The following SGIP1 variants were observed in gnomAD, a reference collection of about 807,000 sequenced individuals.
SGIP1 encodes SH3-containing GRB2-like protein 3-interacting protein 1.
SGIP1 carries 38 observed loss-of-function variants against 107.5 expected under a neutral mutation model. The observed-to-expected ratio is 0.35, with a 90% CI of 0.27 to 0.46. The LOEUF (loss-of-function observed/expected upper bound fraction) is 0.46. Among genes scored for constraint, SGIP1 ranks in the 20% least tolerant of loss-of-function variants. The pLI, the probability that SGIP1 is intolerant of heterozygous loss-of-function variation, is 1.00. For synonymous variants in SGIP1, 365 were observed against 366.1 expected (o/e 1.00, Z 0.03); for missense variants, 929 against 1,019.5 (o/e 0.91, Z 1.21).
chr1:66,664,582 C>G (rs1044690323), intron 8 of SGIP1, among the ~76,000 whole-genome samples: 2 of 152,150 alleles, frequency 1.3e-5, no homozygotes, highest in Non-Finnish European at 2.9e-5. Flanking sequence ...GCCTCACCTT[C>G]CTCTCTATAG....
intron 4 of SGIP1, among the ~76,000 whole-genome samples, chr1:66,637,195 C>T (rs572356588): frequency 2.0e-5 from 3 of 152,194 alleles, no homozygotes; most frequent in South Asian, 4.2e-4. Flanking sequence ...TTCTTCCTTG[C>T]TTCTTCTTCT....
chr1:66,709,595 A>G (rs1472003419), intron 18 of SGIP1, among the ~76,000 whole-genome samples: 1 of 152,166 alleles, frequency 6.6e-6, no homozygotes, highest in African/African-American at 2.4e-5. Flanking sequence ...CAAGTACTCA[A>G]TAATATTGTT....
chr1:66,588,213 C>CT (rs2062947486), intron 1 of SGIP1, among the ~76,000 whole-genome samples: 2 of 152,096 alleles, frequency 1.3e-5, no homozygotes, highest in Admixed American at 1.3e-4. Flanking sequence ...TTTAGGATCA[C>CT]TAACTAAAGA....
intron 9 of SGIP1, among the ~76,000 whole-genome samples, chr1:66,667,857 C>T (rs946773557): frequency 6.6e-6 from 1 of 151,974 alleles, no homozygotes; most frequent in Non-Finnish European, 1.5e-5. Flanking sequence ...CCTAGAGATT[C>T]ACCAGAAAGT....
At chr1:66,646,336 G>A (rs1025523522) in intron 7 of SGIP1, among the ~76,000 whole-genome samples, 1 of 152,084 alleles carries the variant, frequency 6.6e-6, no homozygotes, top group Non-Finnish European at 1.5e-5. Flanking sequence ...GTCTACACAA[G>A]TTAATGATAT....
At chr1:66,574,161 TCA>T (rs2060746776) in intron 1 of SGIP1, among the ~76,000 whole-genome samples, 1 of 152,136 alleles carries the variant, frequency 6.6e-6, no homozygotes, top group African/African-American at 2.4e-5. Flanking sequence ...CTCTAAGATC[TCA>T]GAGTCCTCTG....
At chr1:66,675,882 G>A (rs988457223) in intron 12 of SGIP1, among the ~76,000 whole-genome samples, 1 of 152,004 alleles carries the variant, frequency 6.6e-6, no homozygotes, top group African/African-American at 2.4e-5. Context: ...GAAAAAATAT[G>A]TATTTTAGAG....
In SGIP1 at chr1:66,748,787, T is replaced by C. The variant is rs1361174460; in HGVS notation, c.*5692T>C. 6.6e-6 allele frequency among the ~76,000 whole-genome samples: 1 copy of C among 152,036 alleles called. No individual in the cohort carries two copies. Among genetic ancestry groups the C allele is most frequent in the African/African-American group, 2.4e-5 (1 of 41,450 alleles). Reference sequence around the variant, plus strand: ...CAAATTGTGTTCTGGAAGATGTTCATTGTGGTCTGAGAACAAATGGTCCTA... The same window carrying C: ...CAAATTGTGTTCTGGAAGATGTTCACTGTGGTCTGAGAACAAATGGTCCTA... On this transcript the variant is annotated 3_prime_UTR_variant, in exon 25 of 25. Transcript: ENST00000371037.
rs377722823 is a variant in SGIP1 at position 66,690,262 on chromosome 1, A to T, written c.1516A>T (p.Thr506Ser). ...PIAPLARAES[T>S]SSISSTNSLS... ...AGCACCCTTAGCGCGGGCTGAAAGC[A>T]CTTCTTCAATATCGTCAACCAATTC... Residue 506 changes from threonine (T) to serine (S), a missense_variant, in exon 17 of 25, where the codon ACT becomes TCT. Physicochemically the swap from Thr to Ser is moderately conservative, Grantham distance 58 (BLOSUM62 1). Around this residue, in one of 2 missense-constraint regions of SGIP1, gnomAD observed 341 missense variants for 430.9 expected, o/e 0.79. Coordinates refer to ENST00000371037, the MANE Select transcript of SGIP1 (RefSeq NM_032291.4). The T allele has an allele frequency of 6.9e-5, 112 of 1,614,184 alleles. No individual in the cohort carries two copies. Among genetic ancestry groups the T allele is most frequent in the Admixed American group, 6.7e-4 (40 of 60,026 alleles).
intron 15 of SGIP1, among the ~76,000 whole-genome samples, chr1:66,687,061 C>G (rs574855738): frequency 1.3e-5 from 2 of 152,298 alleles, no homozygotes; most frequent in South Asian, 4.1e-4. Flanking sequence ...CAGTGTTTTT[C>G]AATATTCCAC....
intron 1 of SGIP1, among the ~76,000 whole-genome samples, chr1:66,553,039 C>T (rs1279360207): frequency 6.6e-6 from 1 of 152,124 alleles, no homozygotes. Context: ...TCTCTTAACT[C>T]TTGCACTTCC....
chr1:66,687,159 A>G (rs757965137), intron 15 of SGIP1, among the ~76,000 whole-genome samples: 1 of 152,224 alleles, frequency 6.6e-6, no homozygotes, highest in Admixed American at 6.5e-5. Flanking sequence ...TAGGAAAAGG[A>G]TAAACAGTTG....
At chr1:66,564,266 T>G (rs1444307077) in intron 1 of SGIP1, among the ~76,000 whole-genome samples, 1 of 151,958 alleles carries the variant, frequency 6.6e-6, no homozygotes, top group Non-Finnish European at 1.5e-5. Context: ...GTGGCATACC[T>G]GGACTTGAAC....
intron 1 of SGIP1, among the ~76,000 whole-genome samples, chr1:66,622,384 C>A (rs2071377765): frequency 6.6e-6 from 1 of 152,156 alleles, no homozygotes; most frequent in African/African-American, 2.4e-5. Flanking sequence ...TGGTAGTATT[C>A]CAATGACAAA....
At chr1:66,674,057 G>A (rs145318105) in intron 12 of SGIP1, among the ~76,000 whole-genome samples, 1 of 151,908 alleles carries the variant, frequency 6.6e-6, no homozygotes, top group African/African-American at 2.4e-5. Context: ...AGGCCCAGCT[G>A]CTCGGGAGGC....
intron 19 of SGIP1, among the ~76,000 whole-genome samples, chr1:66,721,677 A>G (rs539249911): frequency 6.6e-6 from 1 of 152,242 alleles, no homozygotes; most frequent in African/African-American, 2.4e-5. Context: ...CCAAAGAGCT[A>G]GGATTACAGG....
intron 1 of SGIP1, among the ~76,000 whole-genome samples, chr1:66,573,961 G>C (rs1471945023): frequency 2.0e-5 from 3 of 152,102 alleles, no homozygotes; most frequent in African/African-American, 4.8e-5. Context: ...TTAAGCTTAG[G>C]CATGATAATT....
At chr1:66,633,290 C>T (rs1036819507) in intron 3 of SGIP1, among the ~76,000 whole-genome samples, 196 bp downstream of exon 3, 5 of 152,034 alleles carry the variant, frequency 3.3e-5, no homozygotes, top group African/African-American at 1.2e-4. Flanking sequence ...TTATTTATGG[C>T]ATTTACCTAA....
At chr1:66,589,468 C>G (rs143342973) in intron 1 of SGIP1, among the ~76,000 whole-genome samples, 2 of 151,776 alleles carry the variant, frequency 1.3e-5, no homozygotes, top group East Asian at 3.9e-4. Context: ...GTCCCTGAAG[C>G]AAATTCAAAC....
Sources: allele counts gnomAD v4.1 joint callset (sites outside exome capture counted in the v4.1 genomes callset), GRCh38; gene constraint gnomAD v4.1.1; regional missense constraint gnomAD v4.1.1; transcripts MANE v1.5; gene names NCBI Gene and HGNC (gene_info 2026-07-23, HGNC 2026-07-21).